ATP2C2: variants seen among roughly 807,000 people sequenced by gnomAD.
The protein encoded by ATP2C2 is ATPase secretory pathway Ca2+ transporting 2, also known as calcium-transporting ATPase type 2C member 2.
Under a neutral mutation model 110.8 loss-of-function variants are expected in ATP2C2, and 171 were observed. The ratio of observed to expected loss-of-function variants is 1.54; its 90% confidence interval spans 1.36 to 1.75. The LOEUF is 1.75. ATP2C2 is among the 40% of genes most tolerant of loss of function. ATP2C2 has a pLI of 0.00. For synonymous variants in ATP2C2, 804 were observed against 508.4 expected (o/e 1.58, Z -7.82); for missense variants, 1,963 against 1,235.0 (o/e 1.59, Z -8.84).
intron 14 of ATP2C2, among the ~76,000 whole-genome samples, 184 bp downstream of exon 14, chr16:84,441,142 C>T (rs541700916): frequency 9.2e-5 from 14 of 152,162 alleles, no homozygotes; most frequent in South Asian, 2.1e-4. Context: ...AGAAGTAAGA[C>T]GACAGCTAGG....
intron 17 of ATP2C2, among the ~76,000 whole-genome samples, chr16:84,449,054 T>G (rs192140213): frequency 3.3e-4 from 50 of 152,354 alleles, no homozygotes; most frequent in Non-Finnish European, 6.5e-4. Flanking sequence ...ATTTTTTCCC[T>G]TAGCCATTTT....
At chr16:84,455,215 A>T (rs532915085) in intron 21 of ATP2C2, among the ~76,000 whole-genome samples, 1 of 152,008 alleles carries the variant, frequency 6.6e-6, no homozygotes, top group Non-Finnish European at 1.5e-5. Context: ...TGCTGCCCCC[A>T]GGGGAATGTT....
At chr16:84,416,488 A>G (rs1906845409) in intron 7 of ATP2C2, among the ~76,000 whole-genome samples, 1 of 152,212 alleles carries the variant, frequency 6.6e-6, no homozygotes, top group African/African-American at 2.4e-5. Context: ...GGGCAGCATC[A>G]GGGAAGCGGA....
intron 25 of ATP2C2, 66 bp downstream of exon 25, chr16:84,461,878 C>T: frequency 6.2e-7 from 1 of 1,608,012 alleles, no homozygotes; most frequent in South Asian, 1.1e-5. Context: ...GCGCCCCGAC[C>T]CTGCCCGCAG....
chr16:84,397,499 AC>A (rs1905057993), intron 1 of ATP2C2, among the ~76,000 whole-genome samples: 2 of 151,076 alleles, frequency 1.3e-5, no homozygotes, highest in Admixed American at 1.3e-4. Context: ...ACATAGGGAG[AC>A]CCTGTCCCTA....
chr16:84,372,096 G>A (rs931785126), intron 1 of ATP2C2, among the ~76,000 whole-genome samples: 2 of 152,306 alleles, frequency 1.3e-5, no homozygotes, highest in African/African-American at 4.8e-5. Context: ...GGGGTTGGTA[G>A]GATGAGGCTG....
chr16:84,435,327 C>T (rs1908640781), intron 11 of ATP2C2, among the ~76,000 whole-genome samples: 1 of 152,204 alleles, frequency 6.6e-6, no homozygotes, highest in Admixed American at 6.5e-5. Context: ...CCTTCACAAT[C>T]AACTGTCTTA....
At chr16:84,449,893 C>T (rs1303215815) in intron 17 of ATP2C2, among the ~76,000 whole-genome samples, 1 of 152,246 alleles carries the variant, frequency 6.6e-6, no homozygotes, top group Admixed American at 6.5e-5. Context: ...GCCTCTAAAT[C>T]TGCACCTGGC....
In ATP2C2 at chr16:84,459,240, G is replaced by A. The variant is rs754372014; in HGVS notation, c.2217-30G>A. Reference sequence around the variant, plus strand: ...TCATTAAGCACCACGCCTGGCGGGCGGCCGCTGACTGGCTGCGTGTGCCCC... The same window carrying A: ...TCATTAAGCACCACGCCTGGCGGGCAGCCGCTGACTGGCTGCGTGTGCCCC... On this transcript the variant is annotated intron_variant, in intron 22 of 26. Transcript: ENST00000262429. The A allele has an allele frequency of 9.9e-6, 16 of 1,613,926 alleles. No homozygotes were observed. The East Asian group carries it at 1.1e-4, about 11-fold the overall frequency.
At chr16:84,412,613 G>A (rs1021407483) in intron 6 of ATP2C2, among the ~76,000 whole-genome samples, 1 of 152,030 alleles carries the variant, frequency 6.6e-6, no homozygotes, top group African/African-American at 2.4e-5. Context: ...TGCTCAGTCT[G>A]GGAAAACAGC....
intron 4 of ATP2C2, 70 bp from the exon 5 acceptor site, chr16:84,410,498 A>T: frequency 6.6e-7 from 1 of 1,515,656 alleles, no homozygotes; most frequent in Middle Eastern, 2.2e-4. Flanking sequence ...ACAAGCCCCT[A>T]GCCTGCCACG....
chr16:84,441,968 TAAAA>T (rs936191465), intron 14 of ATP2C2, among the ~76,000 whole-genome samples: 4 of 147,216 alleles, frequency 2.7e-5, no homozygotes, highest in African/African-American at 5.2e-5. Context: ...CTAGTAATAA[TAAAA>T]AAGAAAAGAA....
intron 4 of ATP2C2, among the ~76,000 whole-genome samples, chr16:84,409,792 T>C (rs1291522182): frequency 2.6e-5 from 4 of 152,234 alleles, no homozygotes; most frequent in Admixed American, 6.5e-5. Context: ...CGTGAGCCAC[T>C]GTGCCTGGCC....
intron 26 of ATP2C2, 84 bp downstream of exon 26, chr16:84,462,213 G>A: frequency 6.5e-7 from 1 of 1,541,116 alleles, no homozygotes; most frequent in South Asian, 1.2e-5. Context: ...CTGCAGCCCA[G>A]GAGGGGTCAG....
At chr16:84,425,019 T>C (rs1046746898) in intron 10 of ATP2C2, among the ~76,000 whole-genome samples, 6 of 152,174 alleles carry the variant, frequency 3.9e-5, no homozygotes, top group African/African-American at 1.4e-4. Flanking sequence ...TGACTGAGTT[T>C]AGTAGCCAAT....
chr16:84,397,547 C>T (rs1233421199), intron 1 of ATP2C2, among the ~76,000 whole-genome samples: 3 of 149,400 alleles, frequency 2.0e-5, no homozygotes, highest in Admixed American at 6.8e-5. Context: ...CAATAGCATG[C>T]ACCTGTGGTC....
chr16:84,379,431 G>T (rs1910445962), intron 1 of ATP2C2, among the ~76,000 whole-genome samples: 1 of 152,234 alleles, frequency 6.6e-6, no homozygotes, highest in Admixed American at 6.5e-5. Context: ...CTCCCAAAGT[G>T]TTGGGATTAC....
At chr16:84,432,398 A>G (rs1012099542) in intron 11 of ATP2C2, among the ~76,000 whole-genome samples, 3 of 152,036 alleles carry the variant, frequency 2.0e-5, no homozygotes, top group African/African-American at 7.2e-5. Context: ...TAAGCCCCAC[A>G]TGCATTAGGC....
intron 2 of ATP2C2, among the ~76,000 whole-genome samples, chr16:84,401,315 C>T (rs895267008): frequency 1.4e-4 from 21 of 149,832 alleles, no homozygotes; most frequent in African/African-American, 2.5e-5. Flanking sequence ...CCTCTGCCTC[C>T]TGGGTTCAAG....
Sources: gnomAD v4.1 joint callset for allele counts (sites outside exome capture counted in the v4.1 genomes callset) on GRCh38, gnomAD v4.1.1 for gene constraint, MANE v1.5 for transcripts, NCBI Gene and HGNC (gene_info 2026-07-23, HGNC 2026-07-21) for gene names.